RABGAP1L: variants seen among roughly 807,000 people sequenced by gnomAD.
RABGAP1L encodes the protein rab GTPase-activating protein 1-like.
In RABGAP1L, 63 loss-of-function variants were observed where a neutral mutation model predicts 137.7. The ratio of observed to expected loss-of-function variants is 0.46; its 90% CI spans 0.37 to 0.56. The LOEUF is 0.56. Among genes scored for constraint, RABGAP1L ranks in the 20% least tolerant of loss-of-function variants. RABGAP1L has a pLI of 0.00. For synonymous variants in RABGAP1L, 431 were observed against 433.7 expected, an observed-to-expected ratio of 0.99 and a Z score of 0.08; for missense variants, 1,095 against 1,244.0, an observed-to-expected ratio of 0.88 and a Z score of 1.80.
intron 12 of RABGAP1L, among the ~76,000 whole-genome samples, chr1:174,383,047 C>T (rs1036896307): frequency 4.0e-5 from 6 of 149,952 alleles, no homozygotes; most frequent in South Asian, 2.1e-4. Flanking sequence ...GAATACCCTG[C>T]GATGTGAGGT....
chr1:174,644,091 C>T (rs1013654344), intron 14 of RABGAP1L, among the ~76,000 whole-genome samples: 2 of 151,594 alleles, frequency 1.3e-5, no homozygotes, highest in Non-Finnish European at 2.9e-5. Flanking sequence ...CTTTAATATA[C>T]GTATTAGTAG....
intron 13 of RABGAP1L, among the ~76,000 whole-genome samples, chr1:174,549,832 C>A (rs1288404264): frequency 6.6e-6 from 1 of 152,176 alleles, no homozygotes; most frequent in Non-Finnish European, 1.5e-5. Flanking sequence ...TTTATAATCC[C>A]TTCCTTCAGC....
At chr1:174,643,296 A>G (rs1357413982) in intron 14 of RABGAP1L, among the ~76,000 whole-genome samples, 1 of 152,002 alleles carries the variant, frequency 6.6e-6, no homozygotes, top group Non-Finnish European at 1.5e-5. Context: ...AATCAAGCAG[A>G]TTTTTCTATT....
intron 17 of RABGAP1L, among the ~76,000 whole-genome samples, chr1:174,703,114 T>A (rs1335174465): frequency 6.6e-6 from 1 of 152,136 alleles, no homozygotes; most frequent in Non-Finnish European, 1.5e-5. Flanking sequence ...AAACATCCTT[T>A]AAAAAAAATT....
At chr1:174,207,225 A>G (rs7537517) in intron 1 of RABGAP1L, among the ~76,000 whole-genome samples, 87,187 of 152,038 alleles carry the variant, frequency 0.57, 27,408 homozygotes, top group African/African-American at 0.85. Context: ...TCTTAACTAA[A>G]TGCATTTTAA....
intron 13 of RABGAP1L, among the ~76,000 whole-genome samples, chr1:174,426,496 CTG>C (rs980777857): frequency 5.3e-5 from 8 of 151,826 alleles, no homozygotes; most frequent in Non-Finnish European, 8.8e-5. Context: ...CCTATGAAAA[CTG>C]ATAAAATATT....
intron 19 of RABGAP1L, among the ~76,000 whole-genome samples, chr1:174,948,475 A>T (rs1017905737): frequency 2.2e-5 from 3 of 137,726 alleles, no homozygotes; most frequent in African/African-American, 5.8e-5. Flanking sequence ...GCGGCACTGC[A>T]CTTCAGCCGC....
intron 15 of RABGAP1L, among the ~76,000 whole-genome samples, chr1:174,695,852 TTGCAGACTC>T (rs1314408334): frequency 4.6e-5 from 7 of 152,246 alleles, no homozygotes; most frequent in African/African-American, 1.7e-4. Context: ...GCTGCAATTT[TTGCAGACTC>T]GCAGAGATAT....
intron 11 of RABGAP1L, among the ~76,000 whole-genome samples, chr1:174,340,270 C>A (rs529252416): frequency 7.2e-5 from 11 of 152,294 alleles, no homozygotes; most frequent in Non-Finnish European, 1.2e-4. Flanking sequence ...TCTGAATTAG[C>A]CAGTACCCCA....
intron 17 of RABGAP1L, chr1:174,705,291 A>G (rs1241605465): frequency 6.6e-6 from 1 of 152,168 alleles, no homozygotes; most frequent in Non-Finnish European, 1.5e-5. Context: ...AACATTGTCC[A>G]TGGGTTTTCT....
At position 174,766,267 on chromosome 1, in the gene RABGAP1L, A is replaced by G. The variant is rs575142424; in HGVS notation, c.2211+13913A>G. Among the ~76,000 whole-genome samples the G allele has an allele frequency of 3.3e-4, 50 of 152,320 alleles. 2 individuals carry two copies. The South Asian group carries it at 5.2e-3, about 16-fold the overall frequency. ...AAGCCACCCAGTCTGATTCCTTTTT[A>G]TGACAGCCCTAGCATACCATACACT... On this transcript the variant is annotated intron_variant, in intron 18 of 25. Coordinates refer to ENST00000681986, the MANE Select transcript of RABGAP1L (RefSeq NM_001366446.1).
intron 20 of RABGAP1L, among the ~76,000 whole-genome samples, chr1:174,958,887 G>A (rs1035216344): frequency 7.9e-5 from 12 of 152,174 alleles, no homozygotes; most frequent in Non-Finnish European, 1.5e-4. Flanking sequence ...CTGATTCCTT[G>A]ATGGATTGTT....
At chr1:174,556,050 T>G (rs1307401505) in intron 13 of RABGAP1L, among the ~76,000 whole-genome samples, 1 of 145,914 alleles carries the variant, frequency 6.9e-6, no homozygotes, top group Non-Finnish European at 1.5e-5. Context: ...AAGGCTAGAG[T>G]GCAGTGGCGC....
intron 3 of RABGAP1L, among the ~76,000 whole-genome samples, chr1:174,229,541 G>A (rs1244891959): frequency 6.6e-6 from 1 of 152,090 alleles, no homozygotes; most frequent in East Asian, 1.9e-4. Context: ...TGTTTAAACG[G>A]GGAAAGGGCA....
chr1:174,495,330 T>C (rs1660645593), intron 13 of RABGAP1L, among the ~76,000 whole-genome samples: 1 of 152,160 alleles, frequency 6.6e-6, no homozygotes, highest in Admixed American at 6.5e-5. Flanking sequence ...TATACTTTTT[T>C]TCCCCCCAAG....
At chr1:174,189,783 A>G (rs968318291) in intron 1 of RABGAP1L, among the ~76,000 whole-genome samples, 5 of 152,192 alleles carry the variant, frequency 3.3e-5, no homozygotes, top group Non-Finnish European at 5.9e-5. Flanking sequence ...AGTCTGGGCA[A>G]CATAGTGAGA....
intron 19 of RABGAP1L, among the ~76,000 whole-genome samples, chr1:174,848,560 C>T (rs990214065): frequency 2.0e-5 from 3 of 148,334 alleles, no homozygotes; most frequent in Non-Finnish European, 3.0e-5. Flanking sequence ...GGTCAGGGAC[C>T]CACTTGAGGA....
intron 19 of RABGAP1L, chr1:174,922,244 C>T (rs184304281): frequency 3.9e-5 from 6 of 154,026 alleles, no homozygotes; most frequent in African/African-American, 1.2e-4. Flanking sequence ...TTACATACAT[C>T]TTGGGAAGCG....
At position 174,974,346 on chromosome 1, in the gene RABGAP1L, G is replaced by T. The variant is rs56940304; in HGVS notation, c.2545-1732G>T. On this transcript the variant is annotated intron_variant, in intron 21 of 25. Coordinates refer to ENST00000681986, the MANE Select transcript of RABGAP1L (RefSeq NM_001366446.1). The stretch of plus-strand genomic sequence containing the variant: ...CTATCTGTCAGAGACTTTGGGGAGG[G>T]TCTCCCTGCTTTGTGAGTAACCTCA... 5.3e-3 allele frequency among the ~76,000 whole-genome samples: 800 copies of T among 152,234 alleles called. 10 individuals are homozygous for T. Among genetic ancestry groups the T allele is most frequent in the African/African-American group, 0.018 (754 of 41,548 alleles).
Sources: allele counts gnomAD v4.1 joint callset (sites outside exome capture counted in the v4.1 genomes callset), GRCh38; gene constraint gnomAD v4.1.1; transcripts MANE v1.5; gene names NCBI Gene and HGNC (gene_info 2026-07-23, HGNC 2026-07-21).